The following WAPL variants were observed in gnomAD, a reference collection of about 807,000 sequenced individuals.
The protein encoded by WAPL is WAPL cohesin release factor.
A neutral mutation model predicts 121.0 loss-of-function variants in WAPL; 5 were observed. The observed-to-expected ratio is 0.04, with a 90% CI of 0.02 to 0.09. The LOEUF is 0.09. WAPL is among the 10% of genes least tolerant of loss of function. The pLI, the probability that WAPL is intolerant of heterozygous loss-of-function variation, is 1.00. For missense variants in WAPL, 999 were observed against 1,410.8 expected, an observed-to-expected ratio of 0.71 and a Z score of 4.68; for synonymous variants, 480 against 481.5, an observed-to-expected ratio of 1.00 and a Z score of 0.04.
chr10:86,491,892 T>C (rs1842055501), intron 4 of WAPL, among the ~76,000 whole-genome samples: 1 of 152,218 alleles, frequency 6.6e-6, no homozygotes, highest in Non-Finnish European at 1.5e-5. Flanking sequence ...TAAGAGCACC[T>C]ACAATCTACT....
At chr10:86,518,223 A>C in intron 1 of WAPL, 132 bp from the exon 2 acceptor site, 1 of 872,240 alleles carries the variant, frequency 1.1e-6, no homozygotes, top group Non-Finnish European at 1.7e-6. Flanking sequence ...AAATAAACAA[A>C]TATGAGGAAG....
At chr10:86,499,022 G>C (rs1842198164) in intron 3 of WAPL, among the ~76,000 whole-genome samples, 1 of 152,108 alleles carries the variant, frequency 6.6e-6, no homozygotes, top group African/African-American at 2.4e-5. Flanking sequence ...ATAACCACCT[G>C]TTATCAGTAC....
intron 2 of WAPL, among the ~76,000 whole-genome samples, chr10:86,501,860 TC>T (rs946548501): frequency 5.3e-5 from 8 of 151,982 alleles, no homozygotes; most frequent in African/African-American, 1.9e-4. Context: ...CCTGCCTAAC[TC>T]CCCTTTTTAT....
rs531404303 is a variant in WAPL, at chr10:86,505,300, C to CTTTTTTTTTTTTTTTTTTTTTTTTT, written c.500-4582_500-4558dup. 1.8e-4 allele frequency among the ~76,000 whole-genome samples: 8 copies of CTTTTTTTTTTTTTTTTTTTTTTTTT among 44,644 alleles called. 2 individuals carry two copies. Among genetic ancestry groups the CTTTTTTTTTTTTTTTTTTTTTTTTT allele is most frequent in the Non-Finnish European group, 2.9e-4 (7 of 24,342 alleles). The allele number at this position is 44,644 out of a possible 152,430, so 29.3% of individuals were successfully genotyped here. A position where few individuals can be genotyped will look rare whatever the true frequency, so the allele number is the denominator to read the frequency against. ...CAAGCTTCAGCCACAGTGCCCAACT[C>CTTTTTTTTTTTTTTTTTTTTTTTTT]TTTTTTTTTTTTTTTTTTTTTTTTT... On this transcript the variant is annotated intron_variant, in intron 2 of 18. Transcript: ENST00000298767.
At chr10:86,490,947 C>T (rs1456108661) in intron 4 of WAPL, among the ~76,000 whole-genome samples, 2 of 151,442 alleles carry the variant, frequency 1.3e-5, no homozygotes, top group Non-Finnish European at 2.9e-5. Context: ...CCTGTAATCC[C>T]AGCTACTCTG....
At chr10:86,512,434 AT>A (rs1394800786) in intron 2 of WAPL, among the ~76,000 whole-genome samples, 7 of 152,244 alleles carry the variant, frequency 4.6e-5, no homozygotes, top group African/African-American at 1.7e-4. Flanking sequence ...TGCACACTTT[AT>A]TCTAGAGTCC....
At chr10:86,437,829 G>T in intron 18 of WAPL, 91 bp downstream of exon 18, 1 of 1,070,214 alleles carries the variant, frequency 9.3e-7, no homozygotes, top group Non-Finnish European at 1.4e-6. Context: ...ATCCCTTTTT[G>T]CTCCCACTTA....
chr10:86,485,549 A>G (rs1343546792), intron 4 of WAPL, among the ~76,000 whole-genome samples: 1 of 152,164 alleles, frequency 6.6e-6, no homozygotes, highest in African/African-American at 2.4e-5. Flanking sequence ...AAACAAAAAA[A>G]AAGATTAACA....
At chr10:86,459,185 C>A in intron 11 of WAPL, 120 bp from the exon 12 acceptor site, 3 of 709,256 alleles carry the variant, frequency 4.2e-6, no homozygotes, top group Non-Finnish European at 6.7e-6. Context: ...CCCTTGTTAC[C>A]AAAGGGAATA....
chr10:86,483,798 T>TAAA (rs1330597196), intron 4 of WAPL, among the ~76,000 whole-genome samples: 4 of 127,186 alleles, frequency 3.1e-5, no homozygotes, highest in African/African-American at 1.3e-4. Flanking sequence ...TTTTTTCTTT[T>TAAA]TTTTTTTTTT....
At chr10:86,514,690 CCAA>C (rs1231581041) in intron 2 of WAPL, among the ~76,000 whole-genome samples, 3 of 152,198 alleles carry the variant, frequency 2.0e-5, no homozygotes, top group Non-Finnish European at 4.4e-5. Flanking sequence ...CAACCAACTT[CCAA>C]CAACAGATTT....
At chr10:86,483,229 T>C (rs1488062341) in intron 4 of WAPL, among the ~76,000 whole-genome samples, 1 of 152,132 alleles carries the variant, frequency 6.6e-6, no homozygotes, top group African/African-American at 2.4e-5. Flanking sequence ...GAGACCAGCC[T>C]GACCAACATG....
chr10:86,520,883 CGG>C (rs1564594185), intron 1 of WAPL, among the ~76,000 whole-genome samples: 1 of 151,912 alleles, frequency 6.6e-6, no homozygotes, highest in African/African-American at 2.4e-5. Context: ...GGAAAGCGGA[CGG>C]GACGAACCTG....
chr10:86,483,775 A>G (rs1159998216), intron 4 of WAPL, among the ~76,000 whole-genome samples: 2 of 143,534 alleles, frequency 1.4e-5, no homozygotes, highest in East Asian at 2.0e-4. Flanking sequence ...TTAACAAAAA[A>G]AAAAAAAAAT....
chr10:86,469,451 A>C (rs1841484028), intron 8 of WAPL, among the ~76,000 whole-genome samples: 1 of 151,572 alleles, frequency 6.6e-6, no homozygotes, highest in African/African-American at 2.4e-5. Context: ...ATGGGGTTTC[A>C]CCATGTTGCC....
In WAPL at chr10:86,521,757, C is replaced by A. The variant is rs1415958696; in HGVS notation, c.-415G>T. ...TCAACGCCATTTGCGCTCCCGGCCC[C>A]CACCTCCTTCCTCCAACAGCCGCTC... On this transcript the variant is annotated 5_prime_UTR_variant, in exon 1 of 19. Coordinates refer to ENST00000298767, the MANE Select transcript of WAPL (RefSeq NM_015045.5). 2.2e-6 allele frequency: 1 copy of A among 446,530 alleles called. No individual in the cohort carries two copies. The highest frequency in any genetic ancestry group is 4.6e-6 in the Non-Finnish European group (1 of 216,846). The allele number at this position is 446,530 out of a possible 1,614,324, so 27.7% of individuals were successfully genotyped here.
intron 1 of WAPL, among the ~76,000 whole-genome samples, chr10:86,520,793 A>C (rs1301041143): frequency 6.6e-6 from 1 of 150,768 alleles, no homozygotes; most frequent in Non-Finnish European, 1.5e-5. Flanking sequence ...AAAAAAAAGC[A>C]AAAAGCCTTT....
Position 86,444,868 on chromosome 10 carries a change from A to G in WAPL, c.3322+1374T>C, listed in dbSNP as rs139642273. On this transcript the variant is annotated intron_variant, in intron 16 of 18. Coordinates refer to ENST00000298767, the MANE Select transcript of WAPL (RefSeq NM_015045.5). ...AGCTGTAACTTTTTAAAAGACTGCTAAAAAACCAAAAATGTTATTACGCCA... is the reference window on the plus strand; with the variant it reads ...AGCTGTAACTTTTTAAAAGACTGCTGAAAAACCAAAAATGTTATTACGCCA... Among the ~76,000 whole-genome samples the G allele has an allele frequency of 5.3e-5, 8 of 150,004 alleles. No homozygotes were observed. The East Asian group carries it at 1.6e-3, about 30-fold the overall frequency.
In WAPL at chr10:86,467,402, T is replaced by C; in HGVS notation, c.2247A>G (p.Glu749=). 6.2e-7 allele frequency: 1 copy of C among 1,614,122 alleles called. No homozygotes were observed. Among genetic ancestry groups the C allele is most frequent in the Non-Finnish European group, 8.5e-7 (1 of 1,180,008 alleles). The change falls in exon 9 of 19, where the codon GAA becomes GAG. Residue 749 remains glutamate, a synonymous_variant. Transcript: ENST00000298767. ...ASLDLMIRLL[E]LEQDASSAKL... Reference sequence around the variant, plus strand: ...TGGCTGATGAAGCATCTTGTTCCAGTTCCAAAAGTCGAATCATTAGATCTA... The same window carrying C: ...TGGCTGATGAAGCATCTTGTTCCAGCTCCAAAAGTCGAATCATTAGATCTA...
Sources: gnomAD v4.1 joint callset for allele counts (sites outside exome capture counted in the v4.1 genomes callset) on GRCh38, gnomAD v4.1.1 for gene constraint, MANE v1.5 for transcripts, NCBI Gene and HGNC (gene_info 2026-07-23, HGNC 2026-07-21) for gene names.